The following SEC14L1 variants were observed in gnomAD, a reference collection of about 807,000 sequenced individuals.
The protein encoded by SEC14L1 is SEC14 like lipid binding 1.
In SEC14L1, 48 loss-of-function variants were observed where a neutral mutation model predicts 85.3. The ratio of observed to expected loss-of-function variants is 0.56; its 90% CI spans 0.45 to 0.72. SEC14L1 has a LOEUF of 0.72. Among genes scored for constraint, SEC14L1 ranks in the 30% least tolerant of loss-of-function variants. The pLI is 0.00. For missense variants in SEC14L1, 682 were observed against 921.4 expected (o/e 0.74, Z 3.36); for synonymous variants, 391 against 355.5 (o/e 1.10, Z -1.12).
At chr17:77,144,450 T>A (rs760660277) in intron 3 of SEC14L1, among the ~76,000 whole-genome samples, 1 of 152,186 alleles carries the variant, frequency 6.6e-6, no homozygotes, top group Non-Finnish European at 1.5e-5. Context: ...CACAGAGGAC[T>A]GTTACCTGTT....
upstream of SEC14L1, among the ~76,000 whole-genome samples, chr17:77,138,519 G>A (rs1488313210): frequency 2.0e-5 from 3 of 152,144 alleles, no homozygotes; most frequent in Non-Finnish European, 2.9e-5. Flanking sequence ...GGCTGAGGCA[G>A]GAGGGCAGGA....
intron 3 of SEC14L1, among the ~76,000 whole-genome samples, chr17:77,110,248 T>C (rs1972017202): frequency 6.6e-6 from 1 of 152,186 alleles, no homozygotes; most frequent in South Asian, 2.1e-4. Flanking sequence ...CATTCTTGGT[T>C]GCAGAGAGAG....
chr17:77,119,307 CAAA>C (rs11356968), intron 3 of SEC14L1, among the ~76,000 whole-genome samples: 7 of 103,992 alleles, frequency 6.7e-5, no homozygotes, highest in Admixed American at 1.9e-4. Flanking sequence ...GACTCCATCC[CAAA>C]AAAAAAAAAA....
At chr17:77,185,296 A>T (rs745939238) in intron 3 of SEC14L1, 19 of 985,304 alleles carry the variant, frequency 1.9e-5, no homozygotes, top group Middle Eastern at 1.0e-3. Context: ...CCTGACGCTG[A>T]CAGAGCTCTG....
At chr17:77,163,732 A>G (rs1974167670) in intron 3 of SEC14L1, among the ~76,000 whole-genome samples, 1 of 152,226 alleles carries the variant, frequency 6.6e-6, no homozygotes, top group Non-Finnish European at 1.5e-5. Context: ...GCGGGGCCAC[A>G]TAGATGATGA....
At chr17:77,158,306 A>T (rs1567900072) in intron 3 of SEC14L1, among the ~76,000 whole-genome samples, 1 of 152,130 alleles carries the variant, frequency 6.6e-6, no homozygotes. Flanking sequence ...CTCTGTCCCC[A>T]TGAAACACTC....
rs934947652 is a variant in SEC14L1 at position 77,141,088 on chromosome 17, C to G, written c.-155C>G. 6.6e-6 allele frequency: 1 copy of G among 152,190 alleles called. No individual in the cohort carries two copies. Among genetic ancestry groups the G allele is most frequent in the African/African-American group, 2.4e-5 (1 of 41,370 alleles). The allele number at this position is 152,190 out of a possible 1,614,324, so 9.4% of individuals were successfully genotyped here. On this transcript the variant is annotated 5_prime_UTR_variant, in exon 1 of 17. Transcript: ENST00000436233. The stretch of plus-strand genomic sequence containing the variant: ...GCCCCTCGCCACCCCGTGTCCCAGG[C>G]CCGGCCTTTCTGACAAGAGGTAGGC...
chr17:77,190,585 T>C (rs1246139305), intron 3 of SEC14L1, among the ~76,000 whole-genome samples: 1 of 152,244 alleles, frequency 6.6e-6, no homozygotes, highest in Non-Finnish European at 1.5e-5. Flanking sequence ...ATGATGTTAC[T>C]TATGGGGAGA....
chr17:77,209,595 C>G (rs1377965560), intron 14 of SEC14L1, 119 bp downstream of exon 14: 3 of 1,079,828 alleles, frequency 2.8e-6, no homozygotes, highest in Non-Finnish European at 3.9e-6. Flanking sequence ...TGCTCTTTGT[C>G]TTTAGGCTTT....
At chr17:77,095,510 T>C (rs982042591) in intron 3 of SEC14L1, among the ~76,000 whole-genome samples, 4 of 152,204 alleles carry the variant, frequency 2.6e-5, no homozygotes, top group Non-Finnish European at 5.9e-5. Context: ...GCCTTTTCTC[T>C]GTCACTAGAC....
At position 77,206,154 on chromosome 17, in the gene SEC14L1, A is replaced by G. The variant is rs1245038336; in HGVS notation, c.1170-75A>G. 1 of 1,491,548 alleles carries G rather than the reference A, an allele frequency of 6.7e-7. No individual in the cohort carries two copies. The highest frequency in any genetic ancestry group is 9.2e-7 in the Non-Finnish European group (1 of 1,091,990). 92.4% of individuals were successfully genotyped at this position (1,491,548 alleles called of 1,614,324 possible). A position where few individuals can be genotyped will look rare whatever the true frequency, so the allele number is the denominator to read the frequency against. On this transcript the variant is annotated intron_variant, in intron 11 of 16. Coordinates refer to ENST00000436233, the MANE Select transcript of SEC14L1 (RefSeq NM_001143998.2). This position sits in a 1 kb window ranked among gnomAD's most constrained non-coding sequence, Gnocchi z 4.3. ...ATTTGGAAATAGCTATAAATGACCAAAAAGGAAGAAAATAAGACACAGTTT... is the reference window on the plus strand; with the variant it reads ...ATTTGGAAATAGCTATAAATGACCAGAAAGGAAGAAAATAAGACACAGTTT...
intron 3 of SEC14L1, among the ~76,000 whole-genome samples, chr17:77,187,419 C>T (rs1801327689): frequency 2.6e-5 from 4 of 152,050 alleles, no homozygotes; most frequent in Admixed American, 2.6e-4. Context: ...TCTCTGCCGC[C>T]CAGTTTGGAG....
chr17:77,110,696 G>A (rs12947752), intron 3 of SEC14L1, among the ~76,000 whole-genome samples: 10,360 of 151,030 alleles, frequency 0.069, 452 homozygotes, highest in African/African-American at 0.13. Context: ...CTGGCTAACA[G>A]GGTGAAACCC....
intron 9 of SEC14L1, 90 bp downstream of exon 9, chr17:77,200,763 G>C: frequency 7.4e-7 from 1 of 1,346,462 alleles, no homozygotes; most frequent in South Asian, 1.4e-5. Context: ...GGAGTTGAGT[G>C]GGGCCCCCTT....
intron 3 of SEC14L1, among the ~76,000 whole-genome samples, chr17:77,167,663 TAGCTC>T (rs1326008173): frequency 2.0e-5 from 3 of 152,210 alleles, no homozygotes; most frequent in Non-Finnish European, 4.4e-5. Flanking sequence ...ATTTTTTGCT[TAGCTC>T]AGCTAGGTCT....
At chr17:77,113,863 A>G (rs551044163) in intron 3 of SEC14L1, among the ~76,000 whole-genome samples, 195 of 152,330 alleles carry the variant, frequency 1.3e-3, no homozygotes, top group African/African-American at 4.5e-3. Context: ...AAAACCATTT[A>G]GATGAGAAGT....
intron 3 of SEC14L1, among the ~76,000 whole-genome samples, chr17:77,119,167 G>A (rs761529071): frequency 1.3e-5 from 2 of 151,966 alleles, no homozygotes; most frequent in Admixed American, 1.3e-4. Context: ...AAAATTAGCC[G>A]AGTGTGGGCA....
At chr17:77,153,514 C>G (rs2143583646) in intron 3 of SEC14L1, among the ~76,000 whole-genome samples, 1 of 152,278 alleles carries the variant, frequency 6.6e-6, no homozygotes, top group African/African-American at 2.4e-5. Context: ...CTAGGCCATT[C>G]TATTTATGGT....
At chr17:77,199,377 G>C (rs756982060) in intron 8 of SEC14L1, 1 of 158,660 alleles carries the variant, frequency 6.3e-6, no homozygotes, top group African/African-American at 2.4e-5. Context: ...TGATGCTTTT[G>C]TTCTTATTGG....
Sources: allele counts gnomAD v4.1 joint callset (sites outside exome capture counted in the v4.1 genomes callset), GRCh38; gene constraint gnomAD v4.1.1; non-coding constraint Gnocchi (gnomAD v3.1); transcripts MANE v1.5; gene names NCBI Gene and HGNC (gene_info 2026-07-23, HGNC 2026-07-21).